LDB2: variants seen among roughly 807,000 people sequenced by gnomAD.
LDB2 encodes the protein LIM domain-binding protein 2.
LDB2 carries 12 observed loss-of-function variants against 44.3 expected under a neutral mutation model. The observed-to-expected ratio is 0.27, with a 90% CI of 0.17 to 0.44. LDB2 has a LOEUF of 0.44. Ranked by LOEUF, LDB2 falls within the 20% of genes least tolerant of loss-of-function variation. The pLI, the probability that LDB2 is intolerant of heterozygous loss-of-function variation, is 1.00. For missense variants in LDB2, 344 were observed against 473.5 expected (o/e 0.73, Z 2.54); for synonymous variants, 164 against 174.8 (o/e 0.94, Z 0.49).
chr4:16,872,458 T>C (rs1716986037), intron 1 of LDB2, among the ~76,000 whole-genome samples: 1 of 152,330 alleles, frequency 6.6e-6, no homozygotes, highest in East Asian at 1.9e-4. Flanking sequence ...TATATATATT[T>C]GTTTACTTGT....
At chr4:16,568,939 C>T (rs1745482016) in intron 5 of LDB2, among the ~76,000 whole-genome samples, 1 of 152,184 alleles carries the variant, frequency 6.6e-6, no homozygotes, top group African/African-American at 2.4e-5. Context: ...ATCTTTCCTG[C>T]CTTCTGTTAG....
intron 2 of LDB2, among the ~76,000 whole-genome samples, chr4:16,645,796 C>T (rs1353842894): frequency 2.6e-5 from 4 of 152,138 alleles, no homozygotes; most frequent in African/African-American, 7.2e-5. Context: ...TGCTTGGTAG[C>T]TGTGTCTTTA....
intron 1 of LDB2, among the ~76,000 whole-genome samples, chr4:16,897,899 T>A (rs1360811302): frequency 3.8e-4 from 6 of 15,778 alleles, no homozygotes; most frequent in Admixed American, 9.9e-4. Flanking sequence ...AAAGAAAATA[T>A]ATATATATAT....
At chr4:16,665,289 A>G (rs574711179) in intron 2 of LDB2, among the ~76,000 whole-genome samples, 34 of 127,486 alleles carry the variant, frequency 2.7e-4, no homozygotes, top group African/African-American at 1.0e-3. Flanking sequence ...TTTTTGAGAC[A>G]GAGTCTCACT....
chr4:16,825,986 TATC>T (rs1302129195), intron 1 of LDB2, among the ~76,000 whole-genome samples: 7 of 151,666 alleles, frequency 4.6e-5, no homozygotes, highest in Admixed American at 2.6e-4. Context: ...CATTATATAT[TATC>T]ATTATATATT....
At position 16,659,689 on chromosome 4, in the gene LDB2, A is replaced by ATATATG. The variant is rs1310756163; in HGVS notation, c.236-63815_236-63814insCATATA. 9.4e-4 allele frequency among the ~76,000 whole-genome samples: 132 copies of ATATATG among 140,608 alleles called. 2 individuals carry two copies. The East Asian group carries it at 0.01, about 11-fold the overall frequency. 92.2% of individuals were successfully genotyped at this position (140,608 alleles called of 152,430 possible). Reference sequence around the variant, plus strand: ...TATGTGTGTATATATATATATATATATATGTATGTATGTATATATGTAACA... The same window carrying ATATATG: ...TATGTGTGTATATATATATATATATATATATGTATGTATGTATGTATATATGTAACA... On this transcript the variant is annotated intron_variant, in intron 2 of 7. Coordinates refer to ENST00000304523, the MANE Select transcript of LDB2 (RefSeq NM_001290.5).
chr4:16,591,969 G>A (rs561076577), intron 3 of LDB2, among the ~76,000 whole-genome samples: 2 of 151,568 alleles, frequency 1.3e-5, no homozygotes, highest in Middle Eastern at 3.4e-3. Context: ...TCATGTTACC[G>A]TACTGTGAGC....
chr4:16,521,714 T>A (rs576832689), intron 5 of LDB2, among the ~76,000 whole-genome samples: 1 of 152,322 alleles, frequency 6.6e-6, no homozygotes, highest in African/African-American at 2.4e-5. Context: ...TTTGTTCTTC[T>A]AGCCCCAGGA....
intron 1 of LDB2, among the ~76,000 whole-genome samples, chr4:16,884,288 G>A (rs1250369917): frequency 2.6e-5 from 4 of 152,134 alleles, no homozygotes; most frequent in African/African-American, 9.7e-5. Flanking sequence ...TCTGTGAGGC[G>A]GGGACTACTG....
At chr4:16,657,291 C>T (rs1740152129) in intron 2 of LDB2, among the ~76,000 whole-genome samples, 1 of 152,062 alleles carries the variant, frequency 6.6e-6, no homozygotes, top group Admixed American at 6.5e-5. Context: ...GCCATGATGC[C>T]AATCAATACT....
intron 1 of LDB2, among the ~76,000 whole-genome samples, chr4:16,831,405 A>G (rs1312004519): frequency 1.3e-5 from 2 of 152,072 alleles, no homozygotes; most frequent in South Asian, 2.1e-4. Flanking sequence ...TTTGAAGAGA[A>G]GAGAGAGACA....
intron 2 of LDB2, among the ~76,000 whole-genome samples, chr4:16,596,328 A>G (rs961839556): frequency 2.6e-5 from 4 of 152,164 alleles, no homozygotes; most frequent in Non-Finnish European, 1.5e-5. Context: ...TTTTAATAAC[A>G]TAATGCTTTG....
At chr4:16,747,528 G>T (rs1273468637) in intron 2 of LDB2, among the ~76,000 whole-genome samples, 1 of 152,208 alleles carries the variant, frequency 6.6e-6, no homozygotes, top group Non-Finnish European at 1.5e-5. Flanking sequence ...AAGCTTGAAA[G>T]TTGGACTTTC....
intron 2 of LDB2, among the ~76,000 whole-genome samples, chr4:16,667,280 CAGTG>C (rs1743534316): frequency 6.6e-6 from 1 of 152,182 alleles, no homozygotes; most frequent in South Asian, 2.1e-4. Context: ...AAGCTTCAGA[CAGTG>C]AGAAGGGGAA....
At chr4:16,830,789 G>A (rs4698511) in intron 1 of LDB2, among the ~76,000 whole-genome samples, 32,680 of 152,094 alleles carry the variant, frequency 0.21, 4,301 homozygotes, top group East Asian at 0.52. Flanking sequence ...ACCCGAGGAG[G>A]TCCAAGGAGT....
At chr4:16,542,608 C>T (rs1004964483) in intron 5 of LDB2, among the ~76,000 whole-genome samples, 2 of 152,080 alleles carry the variant, frequency 1.3e-5, no homozygotes, top group African/African-American at 4.8e-5. Flanking sequence ...CAAGTAAGTG[C>T]AAAAGGAGGC....
intron 2 of LDB2, among the ~76,000 whole-genome samples, chr4:16,682,781 C>T (rs1032100096): frequency 1.3e-5 from 2 of 152,204 alleles, no homozygotes; most frequent in African/African-American, 4.8e-5. Context: ...AGTCCTCCAA[C>T]CAAAGGTAAC....
chr4:16,864,093 T>C (rs1005794953), intron 1 of LDB2, among the ~76,000 whole-genome samples: 26 of 152,076 alleles, frequency 1.7e-4, no homozygotes, highest in African/African-American at 6.3e-4. Context: ...TCTACTGTCA[T>C]TCACATGAGA....
intron 2 of LDB2, among the ~76,000 whole-genome samples, chr4:16,704,200 A>G (rs560113535): frequency 9.8e-5 from 15 of 152,286 alleles, no homozygotes; most frequent in African/African-American, 2.9e-4. Flanking sequence ...CCAGAACTAC[A>G]AAAACCCCTG....
Sources: allele counts gnomAD v4.1 joint callset (sites outside exome capture counted in the v4.1 genomes callset), GRCh38; gene constraint gnomAD v4.1.1; transcripts MANE v1.5; gene names NCBI Gene and HGNC (gene_info 2026-07-23, HGNC 2026-07-21).